The following SGCZ variants were observed in gnomAD, a reference collection of about 807,000 sequenced individuals.
SGCZ encodes sarcoglycan zeta, also known as zeta-sarcoglycan.
Under a neutral mutation model 41.3 loss-of-function variants are expected in SGCZ, and 40 were observed. The ratio of observed to expected loss-of-function variants is 0.97; its 90% CI spans 0.75 to 1.26. The LOEUF (loss-of-function observed/expected upper bound fraction) is 1.26. Ranked by LOEUF, SGCZ falls within the 50% of genes most tolerant of loss-of-function variation. SGCZ has a pLI of 0.00. For missense variants in SGCZ, 552 were observed against 369.8 expected (o/e 1.49, Z -4.04); for synonymous variants, 206 against 137.5 (o/e 1.50, Z -3.49).
At chr8:14,919,964 T>C (rs1228749313) in intron 1 of SGCZ, among the ~76,000 whole-genome samples, 1 of 152,182 alleles carries the variant, frequency 6.6e-6, no homozygotes, top group Admixed American at 6.5e-5. Context: ...TAGCAATAAT[T>C]ACTGCGATGT....
At chr8:14,814,298 G>A (rs548955374) in intron 1 of SGCZ, among the ~76,000 whole-genome samples, 1 of 152,248 alleles carries the variant, frequency 6.6e-6, no homozygotes, top group East Asian at 1.9e-4. Flanking sequence ...AAAAGATGGG[G>A]TATAGAAGGG....
chr8:15,056,948 T>C lies in SGCZ; in HGVS notation c.39+180637A>G, dbSNP rs115506899. 5.5e-3 allele frequency among the ~76,000 whole-genome samples: 832 copies of C among 152,134 alleles called. 9 individuals are homozygous for C. The highest frequency in any genetic ancestry group is 0.019 in the African/African-American group (798 of 41,504). On this transcript the variant is annotated intron_variant, in intron 1 of 7. Coordinates refer to ENST00000382080, the MANE Select transcript of SGCZ (RefSeq NM_139167.4). The stretch of plus-strand genomic sequence containing the variant: ...AAGCTGAAGGTGACAAGGATGGGTG[T>C]TTTGAGAGTGGAATGCAGCAGGGCA...
At chr8:14,451,854 C>G (rs1800603697) in intron 2 of SGCZ, among the ~76,000 whole-genome samples, 1 of 152,164 alleles carries the variant, frequency 6.6e-6, no homozygotes. Context: ...AGACATGGAA[C>G]AACAGAAACT....
In SGCZ at chr8:15,034,638, C is replaced by G. The variant is rs1311662087; in HGVS notation, c.39+202947G>C. 5.9e-5 allele frequency among the ~76,000 whole-genome samples: 9 copies of G among 152,192 alleles called. No individual in the cohort carries two copies. In the East Asian group the frequency reaches 1.5e-3, roughly 26 times the overall value. On this transcript the variant is annotated intron_variant, in intron 1 of 7. Coordinates refer to ENST00000382080, the MANE Select transcript of SGCZ (RefSeq NM_139167.4). ...GGTCTCCATTCAGATTCAATCCAAG[C>G]AAGACTACACCAAAACATACTATAA...
intron 1 of SGCZ, among the ~76,000 whole-genome samples, chr8:14,890,751 C>A (rs1287828458): frequency 6.6e-6 from 1 of 152,100 alleles, no homozygotes; most frequent in African/African-American, 2.4e-5. Flanking sequence ...ACTTTCATAG[C>A]CAAAGAGGAG....
chr8:14,751,101 T>C (rs1437665033), intron 1 of SGCZ, among the ~76,000 whole-genome samples: 1 of 152,204 alleles, frequency 6.6e-6, no homozygotes, highest in Non-Finnish European at 1.5e-5. Context: ...TTCCAAGATA[T>C]CTTTCTTAGA....
intron 1 of SGCZ, among the ~76,000 whole-genome samples, chr8:15,211,186 C>A (rs1801226174): frequency 1.3e-5 from 2 of 151,560 alleles, no homozygotes; most frequent in African/African-American, 4.8e-5. Context: ...AATTCCAGAA[C>A]CTACAGATAT....
intron 1 of SGCZ, among the ~76,000 whole-genome samples, chr8:14,737,421 C>T (rs964590500): frequency 1.3e-5 from 2 of 151,998 alleles, no homozygotes; most frequent in East Asian, 1.9e-4. Context: ...TTTATTGTCA[C>T]TGAGAATCCA....
At chr8:14,953,524 T>C (rs1344156246) in intron 1 of SGCZ, among the ~76,000 whole-genome samples, 1 of 152,176 alleles carries the variant, frequency 6.6e-6, no homozygotes, top group Non-Finnish European at 1.5e-5. Flanking sequence ...GATGTAGTTT[T>C]GATCTCTCTC....
At chr8:14,246,891 C>A (rs1286741165) in intron 3 of SGCZ, among the ~76,000 whole-genome samples, 5 of 103,194 alleles carry the variant, frequency 4.8e-5, no homozygotes, top group African/African-American at 1.6e-4. Flanking sequence ...GCCTGGGCGA[C>A]AGAATGAGAC....
rs148993748 is a variant in SGCZ, at chr8:14,839,020, G to C, written c.40-284094C>G. Among the ~76,000 whole-genome samples, 17 of 152,260 alleles carry C rather than the reference G, an allele frequency of 1.1e-4. No homozygotes were observed. The South Asian group carries it at 3.5e-3, about 32-fold the overall frequency. The stretch of plus-strand genomic sequence containing the variant: ...ATGAAAGAAAGACCTGGAGGGTCTT[G>C]AGAAAGTATCTGACTTAGTTTTAAA... On this transcript the variant is annotated intron_variant, in intron 1 of 7. Coordinates refer to ENST00000382080, the MANE Select transcript of SGCZ (RefSeq NM_139167.4).
intron 1 of SGCZ, among the ~76,000 whole-genome samples, chr8:14,807,446 A>T (rs559219518): frequency 5.4e-4 from 82 of 152,312 alleles, no homozygotes; most frequent in Admixed American, 1.6e-3. Context: ...GCAGACAAAC[A>T]GAGAGCCAAA....
intron 4 of SGCZ, among the ~76,000 whole-genome samples, chr8:14,180,881 T>C (rs1216165104): frequency 2.0e-5 from 3 of 151,794 alleles, no homozygotes; most frequent in Non-Finnish European, 4.4e-5. Flanking sequence ...AGATTGGTTT[T>C]ACGGCAGTGG....
chr8:14,859,482 C>T (rs1803648854), intron 1 of SGCZ, among the ~76,000 whole-genome samples: 1 of 152,106 alleles, frequency 6.6e-6, no homozygotes, highest in African/African-American at 2.4e-5. Flanking sequence ...CTCAGGGACA[C>T]ATTGGACTCT....
intron 4 of SGCZ, among the ~76,000 whole-genome samples, chr8:14,179,013 T>A (rs28605496): frequency 0.018 from 2,678 of 152,144 alleles, 83 homozygotes; most frequent in African/African-American, 0.06. Context: ...AAGGATTGAG[T>A]CCATAAGGTA....
At chr8:14,263,618 A>G (rs34653417) in intron 3 of SGCZ, among the ~76,000 whole-genome samples, 38,188 of 152,174 alleles carry the variant, frequency 0.25, 6,131 homozygotes, top group Non-Finnish European at 0.36. Context: ...AAGAAGAGGC[A>G]GAGCAAAATG....
At chr8:14,593,667 G>GA (rs1439018886) in intron 1 of SGCZ, among the ~76,000 whole-genome samples, 1 of 152,096 alleles carries the variant, frequency 6.6e-6, no homozygotes, top group Admixed American at 6.5e-5. Flanking sequence ...CAATGTAAAT[G>GA]AAAAATAATT....
intron 5 of SGCZ, among the ~76,000 whole-genome samples, chr8:14,153,166 A>G (rs1015885250): frequency 4.6e-5 from 7 of 152,166 alleles, no homozygotes; most frequent in African/African-American, 1.4e-4. Flanking sequence ...ATTGAGAAAA[A>G]CTAGGTGAAT....
At chr8:14,152,657 C>T (rs1803747585) in intron 5 of SGCZ, among the ~76,000 whole-genome samples, 1 of 152,006 alleles carries the variant, frequency 6.6e-6, no homozygotes, top group Non-Finnish European at 1.5e-5. Context: ...ACCATATGGC[C>T]CAGCAAACAC....
Sources: gnomAD v4.1 joint callset for allele counts (sites outside exome capture counted in the v4.1 genomes callset) on GRCh38, gnomAD v4.1.1 for gene constraint, MANE v1.5 for transcripts, NCBI Gene and HGNC (gene_info 2026-07-23, HGNC 2026-07-21) for gene names.